Variants in GABRQ observed in about 807,000 individuals in gnomAD.
GABRQ encodes gamma-aminobutyric acid type A receptor subunit theta, also known as gamma-aminobutyric acid receptor subunit theta.
In GABRQ, 19 loss-of-function variants were observed where a neutral mutation model predicts 30.5. That is an observed-to-expected ratio of 0.62 (90% CI 0.43 to 0.91). GABRQ has a LOEUF of 0.91. GABRQ is among the 40% of genes least tolerant of loss of function. GABRQ has a pLI of 0.00. For missense variants in GABRQ, 520 were observed against 521.4 expected (o/e 1.00, Z 0.03); for synonymous variants, 187 against 210.2 (o/e 0.89, Z 0.95).
chrX:152,648,510 G>T (rs1181828585), intron 4 of GABRQ, among the ~76,000 whole-genome samples: 1 of 109,543 alleles, frequency 9.1e-6, no homozygotes, highest in African/African-American at 3.3e-5. Context: ...GAATACAGGT[G>T]AGTGCCGCCA....
chrX:152,645,762 C>G (rs1392628744), intron 3 of GABRQ, among the ~76,000 whole-genome samples, 168 bp downstream of exon 3: 2 of 112,319 alleles, frequency 1.8e-5, no homozygotes, highest in African/African-American at 6.5e-5. Flanking sequence ...TTAATTCAAC[C>G]CCTACACCAC....
chrX:152,647,289 T>C (rs1602821252), intron 4 of GABRQ, 121 bp downstream of exon 4: 1 of 509,767 alleles, frequency 2.0e-6, no homozygotes. Context: ...CGTCTTGAAC[T>C]TCCCCCTTCA....
At chrX:152,650,084 T>A (rs1024502668) in intron 6 of GABRQ, among the ~76,000 whole-genome samples, 6 of 111,670 alleles carry the variant, frequency 5.4e-5, no homozygotes, top group African/African-American at 2.0e-4. Flanking sequence ...TTCACAACAC[T>A]CTGCAGGTGT....
At chrX:152,651,936 A>T (rs1931034867) in intron 8 of GABRQ, among the ~76,000 whole-genome samples, 154 bp downstream of exon 8, 2 of 113,222 alleles carry the variant, frequency 1.8e-5, no homozygotes, top group Admixed American at 1.9e-4. Flanking sequence ...ATAACAAAGA[A>T]GTAGTACTAT....
chrX:152,652,471 C>T (rs1931045896), intron 8 of GABRQ, 70 bp from the exon 9 acceptor site: 1 of 925,583 alleles, frequency 1.1e-6, no homozygotes, highest in South Asian at 2.3e-5. Context: ...CCCTTCCCTC[C>T]TCCCTCCCCC....
In GABRQ at chrX:152,643,704, C is replaced by G. The variant is rs939936598; in HGVS notation, c.239-1823C>G. Among the ~76,000 whole-genome samples, 4 of 112,253 alleles carry G rather than the reference C, an allele frequency of 3.6e-5. No individual in the cohort carries two copies. In the East Asian group the frequency reaches 1.1e-3, roughly 31 times the overall value. The stretch of plus-strand genomic sequence containing the variant: ...GTGCACTAACACAAACATTCACACA[C>G]TGTCACACTCACACATTAACACACA... On this transcript the variant is annotated intron_variant, in intron 2 of 8. Transcript: ENST00000598523.
rs143264672 is a variant in GABRQ at position 152,647,006 on chromosome X, A to G, written c.365A>G (p.Tyr122Cys). ...QTWKDSRLAY[Y>C]ETTLNLTLDY... Reference sequence around the variant, plus strand: ...TGGAAAGATTCACGCTTAGCATACTATGAGACCACCCTGAACTTGACCCTG... The same window carrying G: ...TGGAAAGATTCACGCTTAGCATACTGTGAGACCACCCTGAACTTGACCCTG... Residue 122 changes from tyrosine to cysteine, a missense_variant, in exon 4 of 9, where the codon TAT (tyrosine) becomes TGT (cysteine). Tyr to Cys is a radical substitution (Grantham distance 194). Transcript: ENST00000598523. 2.5e-6 allele frequency: 3 copies of G among 1,205,809 alleles called. No homozygotes were observed. The highest frequency in any genetic ancestry group is 3.5e-5 in the African/African-American group (2 of 57,038).
At position 152,648,815 on chromosome X, in the gene GABRQ, G is replaced by A. The variant is rs782001866; in HGVS notation, c.528-436G>A. ...TTTGCTAGTCCCCAATACCCACATA[G>A]GCCTGCACCTCTGGCTTGTGTACAG... On this transcript the variant is annotated intron_variant, in intron 4 of 8. Coordinates refer to ENST00000598523, the MANE Select transcript of GABRQ (RefSeq NM_018558.4). 6.0e-4 allele frequency among the ~76,000 whole-genome samples: 67 copies of A among 112,296 alleles called. 1 individual carries two copies. In the South Asian group the frequency reaches 0.024, roughly 40 times the overall value.
Position 152,638,149 on chromosome X carries a change from T to G in GABRQ, c.-54T>G. 2.6e-6 allele frequency: 3 copies of G among 1,141,026 alleles called. No individual in the cohort carries two copies. Among genetic ancestry groups the G allele is most frequent in the African/African-American group, 1.8e-5 (1 of 56,525 alleles). The allele number at this position is 1,141,026 out of a possible 1,213,427, so 94.0% of individuals were successfully genotyped here. A position where few individuals can be genotyped will look rare whatever the true frequency, so the allele number is the denominator to read the frequency against. Reference sequence around the variant, plus strand: ...CACCCACTCTCCCACCCCACCTCTGTTCCTTTTCGCGGCCCCGTCTCCCGC... The same window carrying G: ...CACCCACTCTCCCACCCCACCTCTGGTCCTTTTCGCGGCCCCGTCTCCCGC... On this transcript the variant is annotated 5_prime_UTR_variant, in exon 1 of 9. Coordinates refer to ENST00000598523, the MANE Select transcript of GABRQ (RefSeq NM_018558.4).
intron 1 of GABRQ, among the ~76,000 whole-genome samples, chrX:152,640,175 G>A (rs1004928452): frequency 1.1e-4 from 12 of 110,491 alleles, no homozygotes; most frequent in Non-Finnish European, 1.5e-4. Context: ...GAAGGTGGGG[G>A]GGGGAGGAAA....
intron 2 of GABRQ, among the ~76,000 whole-genome samples, chrX:152,644,011 G>A (rs1465418368): frequency 4.5e-5 from 5 of 110,408 alleles, no homozygotes; most frequent in African/African-American, 9.9e-5. Flanking sequence ...ACACCTTCAC[G>A]AATTTATTCA....
intron 2 of GABRQ, among the ~76,000 whole-genome samples, chrX:152,644,055 T>TA (rs1930823072): frequency 9.0e-6 from 1 of 111,083 alleles, no homozygotes; most frequent in African/African-American, 3.3e-5. Context: ...GCAAACATGC[T>TA]CACACATTTA....
intron 8 of GABRQ, 64 bp from the exon 9 acceptor site, chrX:152,652,477 C>G: frequency 2.1e-6 from 2 of 951,714 alleles, no homozygotes; most frequent in Non-Finnish European, 2.9e-6. Context: ...CCTCCTCCCT[C>G]CCCCCAGTGC....
At chrX:152,639,106 G>A (rs1466036810) in intron 1 of GABRQ, among the ~76,000 whole-genome samples, 1 of 111,339 alleles carries the variant, frequency 9.0e-6, no homozygotes, top group African/African-American at 3.3e-5. Flanking sequence ...CCTGAGCGTT[G>A]GCACATGGGT....
chrX:152,652,610 A>C lies in GABRQ; in HGVS notation c.1228A>C (p.Ser410Arg). ...CACCCCAGCGCAGGCCCCCCTGGCA[A>C]GCCCGGAAAGCCTCGGTTCTTTGAC... ...PITPAQAPLA[S>R]PESLGSLTST... is the part of the protein sequence containing the mutation. The change falls in exon 9 of 9, where the codon AGC becomes CGC. Residue 410 changes from serine to arginine, a missense_variant. Transcript: ENST00000598523. The C allele has an allele frequency of 8.3e-7, 1 of 1,210,737 alleles. No individual in the cohort carries two copies. Among genetic ancestry groups the C allele is most frequent in the Non-Finnish European group, 1.1e-6 (1 of 894,487 alleles).
At position 152,655,263 on chromosome X, in the gene GABRQ, T is replaced by C. The variant is rs1931127213; in HGVS notation, c.*1982T>C. 1.8e-5 allele frequency: 2 copies of C among 112,291 alleles called. No individual in the cohort carries two copies. The highest frequency in any genetic ancestry group is 6.5e-5 in the African/African-American group (2 of 30,789). The allele number at this position is 112,291 out of a possible 1,213,427, so 9.3% of individuals were successfully genotyped here. On this transcript the variant is annotated 3_prime_UTR_variant, in exon 9 of 9. Transcript: ENST00000598523. ...GCCGGGCTGCTTAACTGACTGTTTC[T>C]TTCCAACTTCCTGTTCCAGGGAGCA... is the stretch of plus-strand genomic sequence containing the variant.
intron 3 of GABRQ, 150 bp from the exon 4 acceptor site, chrX:152,646,798 G>C: frequency 2.3e-6 from 1 of 442,857 alleles, no homozygotes; most frequent in East Asian, 3.6e-5. Context: ...TTAAACCTCC[G>C]TATGTTTCAC....
rs1192023543 is a variant in GABRQ, at chrX:152,654,668, GC to G, written c.*1391del. On this transcript the variant is annotated 3_prime_UTR_variant, in exon 9 of 9. Transcript: ENST00000598523. ...GAACACACTCTGCCCACTGAGCAGGGCCCCTAACGGAAGTAGGATTGGCCAG... is the reference window on the plus strand; with the variant it reads ...GAACACACTCTGCCCACTGAGCAGGGCCCTAACGGAAGTAGGATTGGCCAG... 1 of 111,855 alleles carries G rather than the reference GC, an allele frequency of 8.9e-6. No homozygotes were observed. The highest frequency in any genetic ancestry group is 2.8e-4 in the East Asian group (1 of 3,543). 9.2% of individuals were successfully genotyped at this position (111,855 alleles called of 1,213,427 possible).
At chrX:152,649,900 C>G (rs1569453751) in intron 6 of GABRQ, 21 bp downstream of exon 6, 1 of 1,157,151 alleles carries the variant, frequency 8.6e-7, no homozygotes. Context: ...CCCCTTCCTT[C>G]TCTCCTGTCT....
Sources: allele counts gnomAD v4.1 joint callset (sites outside exome capture counted in the v4.1 genomes callset), GRCh38; gene constraint gnomAD v4.1.1; transcripts MANE v1.5; gene names NCBI Gene and HGNC (gene_info 2026-07-23, HGNC 2026-07-21).